NTF3: variants seen among roughly 807,000 people sequenced by gnomAD.
NTF3 encodes neurotrophin-3.
A neutral mutation model predicts 26.3 loss-of-function variants in NTF3; 8 were observed. The observed-to-expected ratio is 0.30, with a 90% CI of 0.18 to 0.55. The LOEUF (loss-of-function observed/expected upper bound fraction) is 0.55. NTF3 is among the 20% of genes least tolerant of loss of function. The pLI is 0.93. For missense variants in NTF3, 276 were observed against 352.9 expected, an observed-to-expected ratio of 0.78 and a Z score of 1.75; for synonymous variants, 154 against 145.5, an observed-to-expected ratio of 1.06 and a Z score of -0.42.
upstream of NTF3, among the ~76,000 whole-genome samples, chr12:5,431,374 C>G (rs71459947): frequency 0.049 from 7,524 of 152,286 alleles, 239 homozygotes; most frequent in Non-Finnish European, 0.072. Flanking sequence ...CACTCAAGCT[C>G]CCGCAAACAC....
chr12:5,483,519 C>A (rs776139866), intron 1 of NTF3, among the ~76,000 whole-genome samples: 1 of 152,190 alleles, frequency 6.6e-6, no homozygotes, highest in South Asian at 2.1e-4. Context: ...GATGACGGCT[C>A]ATCTCCTGTA....
At chr12:5,450,481 G>A (rs539057332) in intron 1 of NTF3, among the ~76,000 whole-genome samples, 1 of 152,170 alleles carries the variant, frequency 6.6e-6, no homozygotes, top group Non-Finnish European at 1.5e-5. Flanking sequence ...CAGTGCTATT[G>A]GTTTAATTTT....
Position 5,494,977 on chromosome 12 carries a change from G to A in NTF3, c.802G>A (p.Gly268Arg), listed in dbSNP as rs201568329. 8.7e-6 allele frequency: 14 copies of A among 1,613,634 alleles called. No individual in the cohort carries two copies. Among genetic ancestry groups the A allele is most frequent in the East Asian group, 6.7e-5 (3 of 44,860 alleles). Residue 268 changes from glycine (G) to arginine (R), a missense_variant, in exon 2 of 2, where the codon GGA becomes AGA. Gly to Arg is a moderately radical substitution (Grantham distance 125). Around this residue, in one of 3 missense-constraint regions of NTF3, gnomAD observed 52 missense variants for 78.4 expected, o/e 0.66. Transcript: ENST00000423158. The surrounding 1 kb of genome is among the most constrained non-coding windows in gnomAD (Gnocchi z 8.3). Reference protein sequence around the residue: ...SCVCALSRKIGRT With the variant: ...SCVCALSRKIRRT ...TGTGTGTGCCTTGTCGAGAAAAATCGGAAGAACATGAATTGGCATCTCTCC... is the reference window on the plus strand; with the variant it reads ...TGTGTGTGCCTTGTCGAGAAAAATCAGAAGAACATGAATTGGCATCTCTCC...
At chr12:5,442,772 C>T (rs1404015911) in intron 1 of NTF3, among the ~76,000 whole-genome samples, 1 of 152,136 alleles carries the variant, frequency 6.6e-6, no homozygotes, top group African/African-American at 2.4e-5. Context: ...AGATGGTTTC[C>T]GTATCTGTTT....
In NTF3 at chr12:5,495,077, A is replaced by G; in HGVS notation, c.*89A>G. 7.4e-7 allele frequency: 1 copy of G among 1,347,986 alleles called. No individual in the cohort carries two copies. Among genetic ancestry groups the G allele is most frequent in the Non-Finnish European group, 1.0e-6 (1 of 980,942 alleles). The allele number at this position is 1,347,986 out of a possible 1,614,324, so 83.5% of individuals were successfully genotyped here. The stretch of plus-strand genomic sequence containing the variant: ...AATGTTTATATTGTTTTTATATATT[A>G]TAAGTTGACCTTTATTTATTAAACT... On this transcript the variant is annotated 3_prime_UTR_variant, in exon 2 of 2. Transcript: ENST00000423158.
intron 1 of NTF3, among the ~76,000 whole-genome samples, chr12:5,437,132 A>G (rs1014321305): frequency 6.6e-6 from 1 of 152,208 alleles, no homozygotes; most frequent in Non-Finnish European, 1.5e-5. Flanking sequence ...ATGGAGTCGT[A>G]GAGGGGCATG....
chr12:5,442,390 C>T (rs993039625), intron 1 of NTF3, among the ~76,000 whole-genome samples: 2 of 151,984 alleles, frequency 1.3e-5, no homozygotes, highest in East Asian at 3.9e-4. Flanking sequence ...TGGGGAGAGT[C>T]GGGGGAACAC....
At chr12:5,440,759 G>T (rs953070626) in intron 1 of NTF3, among the ~76,000 whole-genome samples, 2 of 152,222 alleles carry the variant, frequency 1.3e-5, no homozygotes, top group Non-Finnish European at 2.9e-5. Context: ...GGACTCACTA[G>T]AGGGTCACAA....
intron 1 of NTF3, among the ~76,000 whole-genome samples, chr12:5,468,563 A>G (rs184874367): frequency 1.1e-4 from 16 of 152,336 alleles, no homozygotes; most frequent in African/African-American, 3.8e-4. Context: ...TTTGAAAGAA[A>G]AGATATGAGG....
chr12:5,472,323 A>T (rs1940675552), intron 1 of NTF3, among the ~76,000 whole-genome samples: 1 of 152,190 alleles, frequency 6.6e-6, no homozygotes, highest in Non-Finnish European at 1.5e-5. Context: ...GGCAGGCTTA[A>T]TTCTAGCTCT....
chr12:5,440,649 G>A (rs1182743318), intron 1 of NTF3, among the ~76,000 whole-genome samples: 1 of 152,216 alleles, frequency 6.6e-6, no homozygotes, highest in Non-Finnish European at 1.5e-5. Context: ...ACCTTAAATA[G>A]CTTGCCACAG....
chr12:5,491,646 C>T (rs1217460568), intron 1 of NTF3, among the ~76,000 whole-genome samples: 2 of 151,172 alleles, frequency 1.3e-5, no homozygotes, highest in Non-Finnish European at 2.9e-5. Context: ...GCCCAGTCAT[C>T]ACATGGAAAA....
intron 1 of NTF3, among the ~76,000 whole-genome samples, chr12:5,475,832 C>A (rs1275537383): frequency 1.4e-4 from 19 of 133,222 alleles, no homozygotes; most frequent in Middle Eastern, 3.8e-3. Flanking sequence ...TGAGACTCTG[C>A]CTCAAAAAAG....
chr12:5,448,009 C>T (rs964227179), intron 1 of NTF3, among the ~76,000 whole-genome samples: 1 of 152,186 alleles, frequency 6.6e-6, no homozygotes, highest in African/African-American at 2.4e-5. Context: ...GGGTTTATTT[C>T]AGTATGGGTT....
intron 1 of NTF3, among the ~76,000 whole-genome samples, chr12:5,455,991 C>G (rs201068778): frequency 2.6e-5 from 4 of 152,076 alleles, no homozygotes; most frequent in Admixed American, 6.5e-5. Context: ...CACAGCTGTG[C>G]GGGCCACTAG....
chr12:5,438,444 A>G (rs1190489624), intron 1 of NTF3, among the ~76,000 whole-genome samples: 2 of 152,200 alleles, frequency 1.3e-5, no homozygotes, highest in African/African-American at 2.4e-5. Context: ...GGACAAACCT[A>G]TGACTGACCG....
chr12:5,486,565 C>G (rs1940867803), intron 1 of NTF3, among the ~76,000 whole-genome samples: 1 of 152,188 alleles, frequency 6.6e-6, no homozygotes, highest in South Asian at 2.1e-4. Flanking sequence ...AACGTATACA[C>G]TAGACCATAA....
At chr12:5,441,543 CA>C (rs1940236539) in intron 1 of NTF3, among the ~76,000 whole-genome samples, 1 of 152,224 alleles carries the variant, frequency 6.6e-6, no homozygotes, top group Non-Finnish European at 1.5e-5. Context: ...GCTCCCTTCC[CA>C]GCCTCCTGAT....
chr12:5,488,702 T>G (rs1049229620), intron 1 of NTF3, among the ~76,000 whole-genome samples: 12 of 152,158 alleles, frequency 7.9e-5, no homozygotes, highest in Admixed American at 5.9e-4. Context: ...CCTCTCTCCC[T>G]TTCCAGTCCC....
Sources: allele counts gnomAD v4.1 joint callset (sites outside exome capture counted in the v4.1 genomes callset), GRCh38; gene constraint gnomAD v4.1.1; regional missense constraint gnomAD v4.1.1; non-coding constraint Gnocchi (gnomAD v3.1); transcripts MANE v1.5; gene names NCBI Gene and HGNC (gene_info 2026-07-23, HGNC 2026-07-21).